The following PPFIBP2 variants were observed in gnomAD, a reference collection of about 807,000 sequenced individuals.
PPFIBP2 encodes the protein liprin-beta-2.
Under a neutral mutation model 118.3 loss-of-function variants are expected in PPFIBP2, and 118 were observed. The ratio of observed to expected loss-of-function variants is 1.00; its 90% CI spans 0.86 to 1.16. The LOEUF is 1.16. Ranked by LOEUF, PPFIBP2 falls within the 50% of genes most tolerant of loss-of-function variation. The pLI, the probability that PPFIBP2 is intolerant of heterozygous loss-of-function variation, is 0.00. For missense variants in PPFIBP2, 1,195 were observed against 1,073.1 expected, an observed-to-expected ratio of 1.11 and a Z score of -1.59; for synonymous variants, 414 against 397.4, an observed-to-expected ratio of 1.04 and a Z score of -0.50.
At chr11:7,550,081 C>G (rs1377025428) in intron 2 of PPFIBP2, among the ~76,000 whole-genome samples, 1 of 152,174 alleles carries the variant, frequency 6.6e-6, no homozygotes, top group African/African-American at 2.4e-5. Context: ...GGGACTTTTT[C>G]TTAGAAAAGA....
chr11:7,663,603 TTG>T, the PPFIBP2 span, among the ~76,000 whole-genome samples: 1 of 152,210 alleles, frequency 6.6e-6, no homozygotes, highest in Non-Finnish European at 1.5e-5. Context: ...GTCTTTTTGT[TTG>T]TCTGTTCCCT....
intron 17 of PPFIBP2, 97 bp downstream of exon 17, chr11:7,642,523 G>A (rs967153138): frequency 3.8e-5 from 52 of 1,376,420 alleles, no homozygotes; most frequent in South Asian, 3.4e-4. Context: ...TGTGTTTTGC[G>A]GAAACCCCTT....
intron 2 of PPFIBP2, among the ~76,000 whole-genome samples, chr11:7,550,330 C>T (rs1328569532): frequency 1.3e-5 from 2 of 152,132 alleles, no homozygotes; most frequent in African/African-American, 2.4e-5. Context: ...TGGAAGAGAG[C>T]GTGGAGGAAG....
intron 5 of PPFIBP2, among the ~76,000 whole-genome samples, chr11:7,609,832 A>G (rs1218046819): frequency 6.6e-6 from 1 of 152,174 alleles, no homozygotes; most frequent in Non-Finnish European, 1.5e-5. Context: ...ATTGCAGTGA[A>G]GTCTTGTATT....
Position 7,631,264 on chromosome 11 carries a change from C to G in PPFIBP2, c.1068+236C>G, listed in dbSNP as rs1850726638. On this transcript the variant is annotated intron_variant, in intron 11 of 23. Transcript: ENST00000299492. Reference sequence around the variant, plus strand: ...ACTGGAACTTTCAAGGATAGGAGTTCTCCTTTTTAATCAGGCTCCTAGTTT... The same window carrying G: ...ACTGGAACTTTCAAGGATAGGAGTTGTCCTTTTTAATCAGGCTCCTAGTTT... The G allele has an allele frequency of 6.6e-6, 3 of 456,148 alleles. No homozygotes were observed. In the South Asian group the frequency reaches 1.1e-4, roughly 16 times the overall value. The allele number at this position is 456,148 out of a possible 1,614,324, so 28.3% of individuals were successfully genotyped here.
chr11:7,535,557 G>A lies in PPFIBP2; in HGVS notation c.-36-13883G>A, dbSNP rs571123439. Among the ~76,000 whole-genome samples, 177 of 152,234 alleles carry A rather than the reference G, an allele frequency of 1.2e-3. 3 individuals carry two copies. Among genetic ancestry groups the A allele is most frequent in the Admixed American group, 0.012 (176 of 15,296 alleles). ...CTTCAGTTTCCTTATCTGTAGAATCGGGATAATAATAGTTATAAATATTGA... is the reference window on the plus strand; with the variant it reads ...CTTCAGTTTCCTTATCTGTAGAATCAGGATAATAATAGTTATAAATATTGA... On this transcript the variant is annotated intron_variant, in intron 1 of 23. Coordinates refer to ENST00000299492, the MANE Select transcript of PPFIBP2 (RefSeq NM_003621.5).
intron 1 of PPFIBP2, 22 bp from the exon 2 acceptor site, chr11:7,549,418 T>G: frequency 6.5e-7 from 1 of 1,547,196 alleles, no homozygotes. Flanking sequence ...ATTTTTCCTT[T>G]GTTCTGTATT....
chr11:7,556,038 T>A (rs1452367043), intron 2 of PPFIBP2, among the ~76,000 whole-genome samples: 4 of 152,248 alleles, frequency 2.6e-5, no homozygotes, highest in Admixed American at 2.0e-4. Flanking sequence ...AAGTTGGCCA[T>A]TATATTTTAT....
chr11:7,664,014 G>T, the PPFIBP2 span, among the ~76,000 whole-genome samples: 1 of 151,708 alleles, frequency 6.6e-6, no homozygotes, highest in Non-Finnish European at 1.5e-5. Flanking sequence ...GCTCGCACAC[G>T]GTGCGCGCAC....
chr11:7,657,690 T>C (rs1854788204), downstream of PPFIBP2, among the ~76,000 whole-genome samples: 1 of 152,198 alleles, frequency 6.6e-6, no homozygotes, highest in Non-Finnish European at 1.5e-5. Context: ...GAATGCATTT[T>C]TCTCCTAGTC....
At chr11:7,666,429 G>C in the PPFIBP2 span, 3 of 1,498,450 alleles carry the variant, frequency 2.0e-6, no homozygotes, top group African/African-American at 2.8e-5. Flanking sequence ...CCCATGGTGA[G>C]TGAGGGCAAT....
rs1851251679 is a variant in PPFIBP2 at position 7,536,648 on chromosome 11, A to T, written c.-36-12792A>T. Among the ~76,000 whole-genome samples, 3 of 152,114 alleles carry T rather than the reference A, an allele frequency of 2.0e-5. No homozygotes were observed. In the South Asian group the frequency reaches 6.2e-4, roughly 32 times the overall value. ...AGTTTGCAGAGGGAGTCTGACACGA[A>T]GAAACATGAGATTAGAGATCCCAGG... On this transcript the variant is annotated intron_variant, in intron 1 of 23. Coordinates refer to ENST00000299492, the MANE Select transcript of PPFIBP2 (RefSeq NM_003621.5).
intron 5 of PPFIBP2, among the ~76,000 whole-genome samples, chr11:7,600,213 C>T (rs1399886255): frequency 3.9e-5 from 6 of 152,160 alleles, no homozygotes; most frequent in African/African-American, 1.2e-4. Context: ...GAGTTCAAGC[C>T]ATAGGACACA....
At position 7,644,775 on chromosome 11, in the gene PPFIBP2, C is replaced by T. The variant is rs61888795; in HGVS notation, c.1646+2349C>T. 1.1e-3 allele frequency among the ~76,000 whole-genome samples: 167 copies of T among 152,008 alleles called. 1 individual carries two copies. The highest frequency in any genetic ancestry group is 2.0e-3 in the Non-Finnish European group (135 of 67,970). On this transcript the variant is annotated intron_variant, in intron 17 of 23. Coordinates refer to ENST00000299492, the MANE Select transcript of PPFIBP2 (RefSeq NM_003621.5). ...GGGCGCGGTGGCTCACGCCTGTAAT[C>T]CCAGCACTTTGGGAGGCCGAGGCGG...
intron 3 of PPFIBP2, among the ~76,000 whole-genome samples, chr11:7,588,294 C>T (rs898809314): frequency 6.6e-6 from 1 of 152,176 alleles, no homozygotes; most frequent in Non-Finnish European, 1.5e-5. Flanking sequence ...TGGAATCTTG[C>T]TGGTCAGTCA....
At chr11:7,664,118 A>T in the PPFIBP2 span, among the ~76,000 whole-genome samples, 8 of 152,088 alleles carry the variant, frequency 5.3e-5, no homozygotes, top group African/African-American at 9.7e-5. Context: ...TGCGTCGCTC[A>T]CGCTGGGAGC....
chr11:7,545,960 G>T (rs1247380924), intron 1 of PPFIBP2, among the ~76,000 whole-genome samples: 1 of 152,058 alleles, frequency 6.6e-6, no homozygotes, highest in African/African-American at 2.4e-5. Context: ...ACCCATGATT[G>T]GATTAATCAT....
intron 2 of PPFIBP2, 70 bp downstream of exon 2, chr11:7,549,609 CTT>C (rs386373033): frequency 0.024 from 26,838 of 1,109,202 alleles, 172 homozygotes; most frequent in African/African-American, 0.1. Context: ...TCTCCTTTTA[CTT>C]TTTTTTTTTT....
intron 5 of PPFIBP2, 141 bp from the exon 6 acceptor site, chr11:7,610,150 G>T (rs531460148): frequency 1.1e-5 from 12 of 1,085,086 alleles, no homozygotes; most frequent in Middle Eastern, 2.1e-4. Flanking sequence ...TCCATAATAG[G>T]CCTGTGACTC....
Sources: allele counts gnomAD v4.1 joint callset (sites outside exome capture counted in the v4.1 genomes callset), GRCh38; gene constraint gnomAD v4.1.1; transcripts MANE v1.5; gene names NCBI Gene and HGNC (gene_info 2026-07-23, HGNC 2026-07-21).